PABPC4L: variants seen among roughly 807,000 people sequenced by gnomAD.
The protein encoded by PABPC4L is poly(A) binding protein cytoplasmic 4 like.
For synonymous variants in PABPC4L, 169 were observed against 164.1 expected (o/e 1.03, Z -0.23); for missense variants, 452 against 451.4 (o/e 1.00, Z -0.01).
the PABPC4L span, among the ~76,000 whole-genome samples, chr4:134,141,589 T>C: frequency 6.6e-6 from 1 of 151,580 alleles, no homozygotes; most frequent in South Asian, 2.1e-4. Flanking sequence ...CTTGTTATTG[T>C]TAAAGTTTTA....
chr4:134,029,197 G>C, the PABPC4L span, among the ~76,000 whole-genome samples: 1 of 151,978 alleles, frequency 6.6e-6, no homozygotes, highest in South Asian at 2.1e-4. Context: ...AATCAAAGTG[G>C]CCATCTGCTA....
At chr4:134,005,285 G>A in the PABPC4L span, among the ~76,000 whole-genome samples, 3 of 151,728 alleles carry the variant, frequency 2.0e-5, no homozygotes, top group South Asian at 2.1e-4. Context: ...ACCTAGTGAT[G>A]GAGGAAAACA....
At chr4:134,170,307 C>T in the PABPC4L span, among the ~76,000 whole-genome samples, 1 of 152,034 alleles carries the variant, frequency 6.6e-6, no homozygotes, top group Non-Finnish European at 1.5e-5. Flanking sequence ...GTCTACTATT[C>T]ATGGACATTT....
the PABPC4L span, among the ~76,000 whole-genome samples, chr4:134,059,613 TTAA>T: frequency 2.6e-5 from 4 of 151,172 alleles, no homozygotes; most frequent in Admixed American, 6.6e-5. Flanking sequence ...TATCATAAAA[TTAA>T]TAATAATCAG....
chr4:134,182,840 C>G, the PABPC4L span, among the ~76,000 whole-genome samples: 1 of 151,880 alleles, frequency 6.6e-6, no homozygotes, highest in African/African-American at 2.4e-5. Context: ...ACATGGCCAA[C>G]AAGCATATAG....
At chr4:134,056,189 T>A in the PABPC4L span, among the ~76,000 whole-genome samples, 7 of 152,026 alleles carry the variant, frequency 4.6e-5, no homozygotes, top group Non-Finnish European at 7.4e-5. Context: ...GATCTGAGTG[T>A]TTATCCTCTC....
chr4:134,094,779 C>T, the PABPC4L span, among the ~76,000 whole-genome samples: 2 of 151,488 alleles, frequency 1.3e-5, no homozygotes, highest in Non-Finnish European at 3.0e-5. Context: ...ATTAAACTGG[C>T]TGATTCTGAA....
At chr4:134,190,486 T>C in the PABPC4L span, among the ~76,000 whole-genome samples, 1 of 152,070 alleles carries the variant, frequency 6.6e-6, no homozygotes, top group Non-Finnish European at 1.5e-5. Context: ...CTAATTCCTG[T>C]CCTTTCCCCA....
chr4:134,047,811 GT>G, the PABPC4L span, among the ~76,000 whole-genome samples: 6 of 147,388 alleles, frequency 4.1e-5, no homozygotes, highest in South Asian at 4.2e-4. Flanking sequence ...CTGCACCAGG[GT>G]TTTTTTTTTT....
chr4:133,976,946 C>T, the PABPC4L span, among the ~76,000 whole-genome samples: 2 of 151,804 alleles, frequency 1.3e-5, no homozygotes, highest in Admixed American at 1.3e-4. Flanking sequence ...TTTTTGCTTT[C>T]GTTAGAATTG....
At chr4:133,983,609 C>A in the PABPC4L span, among the ~76,000 whole-genome samples, 2 of 151,664 alleles carry the variant, frequency 1.3e-5, no homozygotes, top group Non-Finnish European at 3.0e-5. Flanking sequence ...TATGCCACAG[C>A]CTTACCAGAA....
the PABPC4L span, among the ~76,000 whole-genome samples, chr4:134,132,969 T>G: frequency 1.4e-5 from 2 of 143,812 alleles, no homozygotes; most frequent in Admixed American, 7.2e-5. Context: ...ATAAATATTA[T>G]ATATTATGTA....
chr4:134,162,185 A>T, the PABPC4L span, among the ~76,000 whole-genome samples: 1 of 152,140 alleles, frequency 6.6e-6, no homozygotes, highest in Non-Finnish European at 1.5e-5. Context: ...AAGAACAACA[A>T]AACAACCAGA....
the PABPC4L span, among the ~76,000 whole-genome samples, chr4:134,058,939 A>G: frequency 6.6e-6 from 1 of 152,042 alleles, no homozygotes; most frequent in Non-Finnish European, 1.5e-5. Flanking sequence ...GAACACTGAA[A>G]TCTAAGTGTT....
chr4:134,124,572 C>A, the PABPC4L span, among the ~76,000 whole-genome samples: 2 of 152,044 alleles, frequency 1.3e-5, no homozygotes, highest in East Asian at 3.9e-4. Flanking sequence ...GTTAAATTTA[C>A]ATTTCTTTCT....
the PABPC4L span, among the ~76,000 whole-genome samples, chr4:134,157,363 G>A: frequency 1.3e-5 from 2 of 150,852 alleles, no homozygotes; most frequent in African/African-American, 4.9e-5. Flanking sequence ...GTATCATCTG[G>A]GTTAAGGTTT....
the PABPC4L span, among the ~76,000 whole-genome samples, chr4:134,097,507 C>T: frequency 1.3e-5 from 2 of 151,746 alleles, no homozygotes; most frequent in African/African-American, 2.4e-5. Flanking sequence ...AAACAAAACC[C>T]TGATGTTATA....
chr4:134,052,812 T>G, the PABPC4L span, among the ~76,000 whole-genome samples: 54,189 of 151,938 alleles, frequency 0.36, 11,877 homozygotes, highest in East Asian at 0.92. Context: ...ATGCAAGAGT[T>G]TTTGGTATTT....
chr4:134,074,816 T>C, the PABPC4L span, among the ~76,000 whole-genome samples: 1 of 152,082 alleles, frequency 6.6e-6, no homozygotes, highest in South Asian at 2.1e-4. Flanking sequence ...TACCAGATCT[T>C]GTGAGAACTC....
Sources: gnomAD v4.1 joint callset for allele counts (sites outside exome capture counted in the v4.1 genomes callset) on GRCh38, gnomAD v4.1.1 for gene constraint, MANE v1.5 for transcripts, NCBI Gene and HGNC (gene_info 2026-07-23, HGNC 2026-07-21) for gene names.